Variants in ARMH3 observed in about 807,000 individuals in gnomAD.
The protein encoded by ARMH3 is armadillo like helical domain containing 3.
In ARMH3, 60 loss-of-function variants were observed where a neutral mutation model predicts 99.1. The observed-to-expected ratio is 0.61, with a 90% CI of 0.49 to 0.75. ARMH3 has a LOEUF of 0.75. Among genes scored for constraint, ARMH3 ranks in the 30% least tolerant of loss-of-function variants. The pLI, the probability that ARMH3 is intolerant of heterozygous loss-of-function variation, is 0.00. For synonymous variants in ARMH3, 285 were observed against 292.8 expected, an observed-to-expected ratio of 0.97 and a Z score of 0.27; for missense variants, 679 against 843.1, an observed-to-expected ratio of 0.81 and a Z score of 2.41.
intron 23 of ARMH3, among the ~76,000 whole-genome samples, chr10:101,934,588 G>C (rs1843869978): frequency 6.6e-6 from 1 of 152,088 alleles, no homozygotes; most frequent in South Asian, 2.1e-4. Flanking sequence ...GAAAATTACA[G>C]ATCAGGAGAA....
At chr10:101,916,810 T>C (rs573864834) in intron 23 of ARMH3, among the ~76,000 whole-genome samples, 14 of 152,280 alleles carry the variant, frequency 9.2e-5, no homozygotes, top group African/African-American at 2.2e-4. Context: ...CCCACCTGAA[T>C]AGAACAAAAG....
chr10:101,981,240 T>C (rs1022117207), intron 19 of ARMH3, among the ~76,000 whole-genome samples: 1 of 151,976 alleles, frequency 6.6e-6, no homozygotes. Context: ...TTGGGCTTCT[T>C]ACCAGAGGAG....
chr10:101,850,565 C>T (rs1004430095), intron 24 of ARMH3, among the ~76,000 whole-genome samples: 3 of 151,884 alleles, frequency 2.0e-5, no homozygotes, highest in Non-Finnish European at 4.4e-5. Context: ...GCTGGGATTA[C>T]AGGTGTGTGC....
intron 1 of ARMH3, among the ~76,000 whole-genome samples, chr10:102,043,090 T>C (rs1162751615): frequency 6.6e-6 from 1 of 152,100 alleles, no homozygotes; most frequent in Non-Finnish European, 1.5e-5. Context: ...AAGTAAAATA[T>C]CTGATTGGTA....
chr10:101,939,719 G>T, intron 23 of ARMH3, 144 bp downstream of exon 23: 1 of 584,166 alleles, frequency 1.7e-6, no homozygotes. Flanking sequence ...TGCTTTTCTT[G>T]ATCAAGTACG....
At chr10:102,029,909 T>C (rs2067086859) in intron 4 of ARMH3, among the ~76,000 whole-genome samples, 164 bp from the exon 5 acceptor site, 1 of 151,652 alleles carries the variant, frequency 6.6e-6, no homozygotes. Context: ...TCCGTTTGGT[T>C]CGGTTTTTTT....
Position 102,002,081 on chromosome 10 carries a change from G to A in ARMH3, c.1049-9C>T. On this transcript the variant is annotated splice_polypyrimidine_tract_variant and intron_variant, in intron 14 of 25. Coordinates refer to ENST00000370033, the MANE Select transcript of ARMH3 (RefSeq NM_024541.3). ...TTCCACAGAACTTATAACTGGAATA[G>A]AACAGATAAAATGCACTTAGCCTGC... is the stretch of plus-strand genomic sequence containing the variant. 9.3e-6 allele frequency: 15 copies of A among 1,613,494 alleles called. No homozygotes were observed. Among genetic ancestry groups the A allele is most frequent in the Non-Finnish European group, 1.3e-5 (15 of 1,179,894 alleles).
chr10:101,981,815 G>A (rs568173847), intron 19 of ARMH3, among the ~76,000 whole-genome samples: 1 of 151,072 alleles, frequency 6.6e-6, no homozygotes, highest in Non-Finnish European at 1.5e-5. Flanking sequence ...TCAGGAGATT[G>A]AGACCATCTT....
chr10:102,014,700 A>T (rs2066706371), intron 8 of ARMH3, among the ~76,000 whole-genome samples: 1 of 152,188 alleles, frequency 6.6e-6, no homozygotes, highest in Non-Finnish European at 1.5e-5. Flanking sequence ...TGATTGTCCC[A>T]TCACTTAGAG....
intron 24 of ARMH3, 117 bp downstream of exon 24, chr10:101,889,295 G>T: frequency 1.0e-6 from 1 of 980,468 alleles, no homozygotes; most frequent in Non-Finnish European, 1.7e-6. Context: ...CCTCTCAGCA[G>T]CCTGGCCCTG....
In ARMH3 at chr10:101,975,251, G is replaced by T; in HGVS notation, c.1456C>A (p.Arg486=). The change falls in exon 20 of 26, where the codon CGG becomes AGG. Residue 486 remains arginine (R), a synonymous_variant. Coordinates refer to ENST00000370033, the MANE Select transcript of ARMH3 (RefSeq NM_024541.3). Reference sequence around the variant, plus strand: ...CGCCAGGTGTAATGCAGGCGTACCCGACACTTCTTCTGGTAGCAGAGCAGT... The same window carrying T: ...CGCCAGGTGTAATGCAGGCGTACCCTACACTTCTTCTGGTAGCAGAGCAGT... ...HKLLCYQKKC[R]VRLHYTWREL... 1.2e-6 allele frequency: 2 copies of T among 1,612,330 alleles called. No individual in the cohort carries two copies. Among genetic ancestry groups the T allele is most frequent in the South Asian group, 2.2e-5 (2 of 90,992 alleles).
chr10:102,020,233 T>C (rs1424125177), intron 8 of ARMH3, among the ~76,000 whole-genome samples: 2 of 151,704 alleles, frequency 1.3e-5, no homozygotes, highest in Admixed American at 6.6e-5. Flanking sequence ...AAGTATACAA[T>C]GTTTATCAAG....
At chr10:102,022,389 G>A (rs2066905008) in intron 8 of ARMH3, among the ~76,000 whole-genome samples, 1 of 150,268 alleles carries the variant, frequency 6.7e-6, no homozygotes, top group Non-Finnish European at 1.5e-5. Flanking sequence ...CTACTGGGGA[G>A]GCTGAGGCAA....
chr10:101,884,438 G>T (rs1209238079), intron 24 of ARMH3, among the ~76,000 whole-genome samples: 1 of 152,150 alleles, frequency 6.6e-6, no homozygotes, highest in Non-Finnish European at 1.5e-5. Context: ...GGGACAAGGG[G>T]CCTGAAGGAC....
intron 23 of ARMH3, among the ~76,000 whole-genome samples, chr10:101,906,134 C>A (rs1233184135): frequency 6.6e-6 from 1 of 152,180 alleles, no homozygotes; most frequent in African/African-American, 2.4e-5. Context: ...TATAAATATA[C>A]CACAATCCAT....
chr10:102,004,095 T>C (rs1422825425), intron 14 of ARMH3, among the ~76,000 whole-genome samples: 1 of 152,156 alleles, frequency 6.6e-6, no homozygotes, highest in African/African-American at 2.4e-5. Context: ...AGTATATGTA[T>C]TTTTAGTTTA....
In ARMH3 at chr10:102,010,076, C is replaced by A. The variant is rs149964400; in HGVS notation, c.832-53G>T. The A allele has an allele frequency of 4.4e-4, 673 of 1,546,900 alleles. 3 individuals are homozygous for A. The highest frequency in any genetic ancestry group is 1.9e-3 in the East Asian group (86 of 44,438). ...TTATAGCAGGAGGATATGAGAGGAG[C>A]TTTATGCCTAGGAAGCCTTTTATCA... On this transcript the variant is annotated intron_variant, in intron 11 of 25. Coordinates refer to ENST00000370033, the MANE Select transcript of ARMH3 (RefSeq NM_024541.3).
At chr10:101,950,381 A>G (rs1302099419) in intron 22 of ARMH3, among the ~76,000 whole-genome samples, 2 of 152,228 alleles carry the variant, frequency 1.3e-5, no homozygotes, top group African/African-American at 4.8e-5. Flanking sequence ...ACAGTCAAAC[A>G]GTGTGGCAGT....
intron 24 of ARMH3, among the ~76,000 whole-genome samples, chr10:101,870,453 C>T (rs2067107049): frequency 6.6e-6 from 1 of 151,974 alleles, no homozygotes; most frequent in African/African-American, 2.4e-5. Context: ...GGAGATCTAT[C>T]CTATGGGTTA....
Sources: allele counts gnomAD v4.1 joint callset (sites outside exome capture counted in the v4.1 genomes callset), GRCh38; gene constraint gnomAD v4.1.1; transcripts MANE v1.5; gene names NCBI Gene and HGNC (gene_info 2026-07-23, HGNC 2026-07-21).